LMX1A: variants seen among roughly 807,000 people sequenced by gnomAD.
LMX1A encodes LIM homeobox transcription factor 1 alpha.
Under a neutral mutation model 49.1 loss-of-function variants are expected in LMX1A, and 15 were observed. That is an observed-to-expected ratio of 0.31 (90% CI 0.20 to 0.47). LMX1A has a LOEUF of 0.47. Ranked by LOEUF, LMX1A falls within the 20% of genes least tolerant of loss-of-function variation. The probability of loss-of-function intolerance (pLI) is 1.00; values close to 1 mark genes in which losing one functional copy is unlikely to be tolerated. For missense variants in LMX1A, 372 were observed against 475.8 expected, an observed-to-expected ratio of 0.78 and a Z score of 2.03; for synonymous variants, 167 against 185.7, an observed-to-expected ratio of 0.90 and a Z score of 0.82.
chr1:165,290,599 T>TG (rs756640914), intron 3 of LMX1A, among the ~76,000 whole-genome samples: 21 of 152,236 alleles, frequency 1.4e-4, no homozygotes, highest in Non-Finnish European at 2.5e-4. Context: ...CTGATGTCTT[T>TG]GGGGAACGTT....
chr1:165,205,781 G>A (rs1651048029), intron 8 of LMX1A, 83 bp downstream of exon 8: 1 of 1,324,184 alleles, frequency 7.6e-7, no homozygotes, highest in African/African-American at 1.5e-5. Flanking sequence ...GTGAGCATCT[G>A]GGAACTGCCT....
chr1:165,278,092 C>T (rs1654023499), intron 3 of LMX1A, among the ~76,000 whole-genome samples: 1 of 143,558 alleles, frequency 7.0e-6, no homozygotes. Flanking sequence ...ATGGAGGTAC[C>T]AAGAGATTTA....
At chr1:165,325,291 G>C (rs1504703) in intron 3 of LMX1A, among the ~76,000 whole-genome samples, 55,640 of 152,010 alleles carry the variant, frequency 0.37, 10,599 homozygotes, top group East Asian at 0.71. Flanking sequence ...TGAATAACTG[G>C]AGAAACAGAA....
chr1:165,305,863 GACCA>G (rs1654906499), intron 3 of LMX1A, among the ~76,000 whole-genome samples: 2 of 152,082 alleles, frequency 1.3e-5, no homozygotes, highest in African/African-American at 4.8e-5. Context: ...GCCAAGGAGT[GACCA>G]ACCAAGAGCC....
chr1:165,251,552 C>T (rs12402352), intron 3 of LMX1A, among the ~76,000 whole-genome samples: 37,581 of 151,816 alleles, frequency 0.25, 5,278 homozygotes, highest in East Asian at 0.56. Flanking sequence ...GAGCCTACAG[C>T]TGGAAGATAG....
At chr1:165,251,860 G>A (rs978405808) in intron 3 of LMX1A, among the ~76,000 whole-genome samples, 16 of 152,100 alleles carry the variant, frequency 1.1e-4, no homozygotes, top group Admixed American at 4.6e-4. Flanking sequence ...TCATTCCACA[G>A]TTATCCGGAG....
At chr1:165,235,336 G>C (rs1174893768) in intron 4 of LMX1A, among the ~76,000 whole-genome samples, 2 of 152,130 alleles carry the variant, frequency 1.3e-5, no homozygotes, top group African/African-American at 2.4e-5. Context: ...AAGAGGGAAG[G>C]CAATCTCGGT....
intron 3 of LMX1A, among the ~76,000 whole-genome samples, chr1:165,346,604 A>G (rs1656251771): frequency 6.6e-6 from 1 of 152,244 alleles, no homozygotes; most frequent in South Asian, 2.1e-4. Flanking sequence ...TATTTGTGAC[A>G]GGACCAAGTA....
At chr1:165,224,267 C>T (rs1416980475) in intron 4 of LMX1A, among the ~76,000 whole-genome samples, 1 of 152,214 alleles carries the variant, frequency 6.6e-6, no homozygotes, top group African/African-American at 2.4e-5. Flanking sequence ...TGCCTCCATG[C>T]TTCCTGTACA....
intron 3 of LMX1A, among the ~76,000 whole-genome samples, chr1:165,271,407 A>G (rs1653789844): frequency 1.3e-5 from 2 of 152,222 alleles, no homozygotes; most frequent in South Asian, 2.1e-4. Flanking sequence ...ATACCTCCAG[A>G]CTTCAGGTTT....
intron 3 of LMX1A, among the ~76,000 whole-genome samples, chr1:165,323,037 C>T (rs552617854): frequency 6.6e-6 from 1 of 152,246 alleles, no homozygotes; most frequent in African/African-American, 2.4e-5. Flanking sequence ...GAATACCTCC[C>T]TTACTCCCCT....
In LMX1A at chr1:165,272,780, G is replaced by A. The variant is rs16841917; in HGVS notation, c.264-23140C>T. Among the ~76,000 whole-genome samples, 997 of 152,220 alleles carry A rather than the reference G, an allele frequency of 6.5e-3. 11 individuals are homozygous for A. Among genetic ancestry groups the A allele is most frequent in the African/African-American group, 0.023 (943 of 41,532 alleles). On this transcript the variant is annotated intron_variant, in intron 3 of 8. Transcript: ENST00000342310. Reference sequence around the variant, plus strand: ...AGGGGTCTGCATAATGTCTATGAGCGATAGTTATTGATGGTGTGGTTTAGT... The same window carrying A: ...AGGGGTCTGCATAATGTCTATGAGCAATAGTTATTGATGGTGTGGTTTAGT...
chr1:165,246,153 A>T (rs1415803120), intron 4 of LMX1A, among the ~76,000 whole-genome samples: 4 of 152,148 alleles, frequency 2.6e-5, no homozygotes, highest in Non-Finnish European at 5.9e-5. Flanking sequence ...AATTCAATTC[A>T]TTAGGTACTT....
At chr1:165,211,120 C>T (rs1651368008) in intron 5 of LMX1A, 1 of 178,190 alleles carries the variant, frequency 5.6e-6, no homozygotes, top group South Asian at 1.9e-4. Flanking sequence ...CATTGACCTA[C>T]TTAAGGAGAT....
intron 3 of LMX1A, among the ~76,000 whole-genome samples, chr1:165,313,196 C>T (rs1655123148): frequency 1.3e-5 from 2 of 152,086 alleles, no homozygotes. Flanking sequence ...TGCAGAGTTC[C>T]ATGTTGAAAA....
At chr1:165,288,816 G>C (rs2101712907) in intron 3 of LMX1A, among the ~76,000 whole-genome samples, 1 of 152,360 alleles carries the variant, frequency 6.6e-6, no homozygotes, top group Admixed American at 6.5e-5. Context: ...CCTTATTGCT[G>C]TTCCAGCAGC....
In LMX1A at chr1:165,234,077, T is replaced by C. The variant is rs939881089; in HGVS notation, c.496+15331A>G. ...CCTGTTTACAAACTTCTGATCTGAC[T>C]TTCCACAACCATCAGAGTATATTCA... On this transcript the variant is annotated intron_variant, in intron 4 of 8. Transcript: ENST00000342310. Among the ~76,000 whole-genome samples the C allele has an allele frequency of 2.0e-5, 3 of 152,196 alleles. No individual in the cohort carries two copies. The East Asian group carries it at 5.8e-4, about 29-fold the overall frequency.
At chr1:165,230,823 T>G (rs562693049) in intron 4 of LMX1A, among the ~76,000 whole-genome samples, 1 of 152,280 alleles carries the variant, frequency 6.6e-6, no homozygotes, top group East Asian at 1.9e-4. Context: ...TCAGGTCCAG[T>G]GCTCCTTCCC....
At chr1:165,325,769 A>G (rs1408805362) in intron 3 of LMX1A, among the ~76,000 whole-genome samples, 1 of 152,188 alleles carries the variant, frequency 6.6e-6, no homozygotes, top group Non-Finnish European at 1.5e-5. Flanking sequence ...ACGAGCAAAG[A>G]CTTCTCAAAG....
Sources: gnomAD v4.1 joint callset for allele counts (sites outside exome capture counted in the v4.1 genomes callset) on GRCh38, gnomAD v4.1.1 for gene constraint, MANE v1.5 for transcripts, NCBI Gene and HGNC (gene_info 2026-07-23, HGNC 2026-07-21) for gene names.